The following CFAP299 variants were observed in gnomAD, a reference collection of about 807,000 sequenced individuals.
CFAP299 encodes cilia- and flagella-associated protein 299.
A neutral mutation model predicts 27.0 loss-of-function variants in CFAP299; 21 were observed. The ratio of observed to expected loss-of-function variants is 0.78; its 90% confidence interval spans 0.55 to 1.12. CFAP299 has a LOEUF of 1.12. Among genes scored for constraint, CFAP299 ranks in the 50% most tolerant of loss-of-function variants. The probability of loss-of-function intolerance (pLI) is 0.00; values close to 1 mark genes in which losing one functional copy is unlikely to be tolerated. For synonymous variants in CFAP299, 104 were observed against 98.1 expected (o/e 1.06, Z -0.36); for missense variants, 310 against 276.6 (o/e 1.12, Z -0.86).
chr4:80,456,994 T>C (rs1160569028), intron 2 of CFAP299, among the ~76,000 whole-genome samples: 1 of 151,916 alleles, frequency 6.6e-6, no homozygotes, highest in Non-Finnish European at 1.5e-5. Context: ...TTTTTTTTTT[T>C]TTTAACGCAG....
At chr4:80,919,765 A>G (rs1252594991) in intron 4 of CFAP299, among the ~76,000 whole-genome samples, 1 of 152,168 alleles carries the variant, frequency 6.6e-6, no homozygotes, top group Non-Finnish European at 1.5e-5. Context: ...ACTACTGTGT[A>G]TAGATCACCA....
rs530583304 is a variant in CFAP299, at chr4:80,579,945, G to A, written c.243-3148G>A. ...ATCTGTAAAGCTCTAAAAATTTACA[G>A]CAAAATAAGCTATGCTTGGGAAGGT... On this transcript the variant is annotated intron_variant, in intron 2 of 5. Coordinates refer to ENST00000358105, the MANE Select transcript of CFAP299 (RefSeq NM_152770.3). 2.0e-5 allele frequency among the ~76,000 whole-genome samples: 3 copies of A among 152,142 alleles called. No homozygotes were observed. In the East Asian group the frequency reaches 5.8e-4, roughly 29 times the overall value.
At chr4:80,623,266 G>A (rs1220686712) in intron 3 of CFAP299, among the ~76,000 whole-genome samples, 1 of 131,242 alleles carries the variant, frequency 7.6e-6, no homozygotes, top group Non-Finnish European at 1.5e-5. Flanking sequence ...TCGATGTTAA[G>A]AAAGACAACT....
At position 80,563,470 on chromosome 4, in the gene CFAP299, G is replaced by A. The variant is rs192434679; in HGVS notation, c.243-19623G>A. On this transcript the variant is annotated intron_variant, in intron 2 of 5. Coordinates refer to ENST00000358105, the MANE Select transcript of CFAP299 (RefSeq NM_152770.3). ...ACCAGTTGGTCAATGAAGAAATTAAGAAGGGAATTGAAAAATTTCTTGAAA... is the reference window on the plus strand; with the variant it reads ...ACCAGTTGGTCAATGAAGAAATTAAAAAGGGAATTGAAAAATTTCTTGAAA... Among the ~76,000 whole-genome samples the A allele has an allele frequency of 2.1e-3, 326 of 152,126 alleles. 2 individuals carry two copies. Among genetic ancestry groups the A allele is most frequent in the East Asian group, 9.7e-4 (5 of 5,176 alleles).
intron 3 of CFAP299, among the ~76,000 whole-genome samples, chr4:80,822,680 A>G (rs562227071): frequency 3.9e-5 from 6 of 152,184 alleles, no homozygotes; most frequent in Non-Finnish European, 8.8e-5. Context: ...TATTGAACCC[A>G]AAGTTGTAAC....
chr4:80,852,389 A>C (rs987934317), intron 3 of CFAP299, among the ~76,000 whole-genome samples: 2 of 152,180 alleles, frequency 1.3e-5, no homozygotes, highest in Non-Finnish European at 2.9e-5. Context: ...ATAAACTTAG[A>C]GAAACACCCA....
chr4:80,782,063 C>A (rs559835303), intron 3 of CFAP299, among the ~76,000 whole-genome samples: 3 of 152,098 alleles, frequency 2.0e-5, no homozygotes, highest in Admixed American at 6.6e-5. Context: ...TAGGCATCCC[C>A]GCTTTCCCTT....
chr4:80,921,497 G>T (rs1307371716), intron 4 of CFAP299, among the ~76,000 whole-genome samples: 2 of 151,920 alleles, frequency 1.3e-5, no homozygotes, highest in Admixed American at 1.3e-4. Context: ...ATGAACAAGG[G>T]CATAAAACTG....
chr4:80,866,339 G>T (rs900183899), intron 3 of CFAP299, among the ~76,000 whole-genome samples: 3 of 151,760 alleles, frequency 2.0e-5, no homozygotes, highest in African/African-American at 7.3e-5. Flanking sequence ...AACAGTATTT[G>T]CATGATGTTT....
At chr4:80,504,650 G>C (rs889963121) in intron 2 of CFAP299, among the ~76,000 whole-genome samples, 1 of 147,420 alleles carries the variant, frequency 6.8e-6, no homozygotes, top group Non-Finnish European at 1.5e-5. Flanking sequence ...TTGGTTCTAG[G>C]ATTTGGGGTT....
At chr4:80,952,052 G>A (rs920392587) in intron 5 of CFAP299, among the ~76,000 whole-genome samples, 1 of 152,134 alleles carries the variant, frequency 6.6e-6, no homozygotes, top group Non-Finnish European at 1.5e-5. Context: ...CTGCCTCATG[G>A]AACTTCATTT....
intron 2 of CFAP299, among the ~76,000 whole-genome samples, chr4:80,553,158 C>T (rs1220554935): frequency 1.3e-5 from 2 of 152,198 alleles, no homozygotes; most frequent in East Asian, 1.9e-4. Flanking sequence ...CTCCCACCCT[C>T]CACCCTCAAG....
At chr4:80,695,440 A>G (rs2110021430) in intron 3 of CFAP299, among the ~76,000 whole-genome samples, 1 of 152,292 alleles carries the variant, frequency 6.6e-6, no homozygotes, top group Middle Eastern at 3.4e-3. Context: ...AGATACCTTC[A>G]CTACCCAGAT....
chr4:80,429,497 T>C (rs1485785646), intron 2 of CFAP299, among the ~76,000 whole-genome samples: 3 of 152,172 alleles, frequency 2.0e-5, no homozygotes, highest in Non-Finnish European at 4.4e-5. Context: ...CATTCCACAC[T>C]TGTTAATTTA....
intron 2 of CFAP299, among the ~76,000 whole-genome samples, chr4:80,431,245 G>A (rs779214970): frequency 1.3e-5 from 2 of 152,174 alleles, no homozygotes; most frequent in African/African-American, 2.4e-5. Flanking sequence ...CTGGCATTCC[G>A]GACTCAATGC....
chr4:80,935,317 A>G (rs914726070), intron 4 of CFAP299, among the ~76,000 whole-genome samples: 2 of 152,126 alleles, frequency 1.3e-5, no homozygotes, highest in African/African-American at 2.4e-5. Flanking sequence ...AAACTACTCT[A>G]CAAGGCTACA....
chr4:80,776,518 T>A (rs1355755716), intron 3 of CFAP299, among the ~76,000 whole-genome samples: 1 of 152,054 alleles, frequency 6.6e-6, no homozygotes, highest in Non-Finnish European at 1.5e-5. Flanking sequence ...TTCTCACTCA[T>A]AAGTGGGAGT....
intron 3 of CFAP299, among the ~76,000 whole-genome samples, chr4:80,674,730 T>C (rs993638026): frequency 6.6e-6 from 1 of 152,092 alleles, no homozygotes; most frequent in Non-Finnish European, 1.5e-5. Flanking sequence ...CTTTTTACTC[T>C]TTTTTTCTCT....
At chr4:80,657,947 A>G (rs1447924178) in intron 3 of CFAP299, among the ~76,000 whole-genome samples, 1 of 152,062 alleles carries the variant, frequency 6.6e-6, no homozygotes, top group East Asian at 1.9e-4. Context: ...GGTCCTTCAC[A>G]TCCTTTGTAA....
Sources: allele counts gnomAD v4.1 joint callset (sites outside exome capture counted in the v4.1 genomes callset), GRCh38; gene constraint gnomAD v4.1.1; transcripts MANE v1.5; gene names NCBI Gene and HGNC (gene_info 2026-07-23, HGNC 2026-07-21).